The following CACNA1D variants were observed in gnomAD, a reference collection of about 807,000 sequenced individuals.
CACNA1D encodes voltage-dependent L-type calcium channel subunit alpha-1D.
CACNA1D carries 55 observed loss-of-function variants against 257.1 expected under a neutral mutation model. The ratio of observed to expected loss-of-function variants is 0.21; its 90% CI spans 0.17 to 0.27. CACNA1D has a LOEUF of 0.27. Ranked by LOEUF, CACNA1D falls within the 10% of genes least tolerant of loss-of-function variation. CACNA1D has a pLI of 1.00. For synonymous variants in CACNA1D, 980 were observed against 1,014.9 expected (o/e 0.97, Z 0.65); for missense variants, 1,876 against 2,784.0 (o/e 0.67, Z 7.34).
chr3:53,745,769 T>C, intron 24 of CACNA1D, 38 bp downstream of exon 24: 1 of 1,604,602 alleles, frequency 6.2e-7, no homozygotes, highest in South Asian at 1.1e-5. Flanking sequence ...CTCAGGTGGA[T>C]TTCTTTAAGG....
At chr3:53,531,938 C>T (rs1053940087) in intron 3 of CACNA1D, among the ~76,000 whole-genome samples, 1 of 151,952 alleles carries the variant, frequency 6.6e-6, no homozygotes, top group African/African-American at 2.4e-5. Context: ...TGGCAGGTAG[C>T]TAATAACAGG....
intron 8 of CACNA1D, among the ~76,000 whole-genome samples, chr3:53,694,744 A>G (rs1375087973): frequency 6.6e-6 from 1 of 152,196 alleles, no homozygotes; most frequent in Non-Finnish European, 1.5e-5. Flanking sequence ...GACATGGCAG[A>G]GACTCAGGCT....
intron 3 of CACNA1D, among the ~76,000 whole-genome samples, chr3:53,586,759 G>A (rs1352363705): frequency 3.3e-5 from 5 of 152,126 alleles, no homozygotes; most frequent in African/African-American, 1.2e-4. Flanking sequence ...GAGACGATAA[G>A]GTACTAGCCC....
intron 3 of CACNA1D, among the ~76,000 whole-genome samples, chr3:53,553,608 T>A (rs1404965589): frequency 6.6e-6 from 1 of 152,160 alleles, no homozygotes; most frequent in Non-Finnish European, 1.5e-5. Context: ...TTGTTACATT[T>A]GCAATTTGTA....
Position 53,632,347 on chromosome 3 carries a change from G to T in CACNA1D, c.484-18432G>T, listed in dbSNP as rs148620503. Among the ~76,000 whole-genome samples, 213 of 152,334 alleles carry T rather than the reference G, an allele frequency of 1.4e-3. 6 individuals are homozygous for T. In the South Asian group the frequency reaches 0.042, roughly 30 times the overall value. Reference sequence around the variant, plus strand: ...CTCTGCAGCTTCTTCAGCCTTTATAGAATTTAAGAGAGTTAGGGCCTTGCT... The same window carrying T: ...CTCTGCAGCTTCTTCAGCCTTTATATAATTTAAGAGAGTTAGGGCCTTGCT... On this transcript the variant is annotated intron_variant, in intron 3 of 47. Transcript: ENST00000350061.
chr3:53,764,420 A>G (rs1299569800), intron 30 of CACNA1D, among the ~76,000 whole-genome samples: 1 of 152,242 alleles, frequency 6.6e-6, no homozygotes, highest in East Asian at 1.9e-4. Flanking sequence ...GGAAGCGAAA[A>G]TACAATAAAC....
At chr3:53,784,561 G>A (rs911392140) in intron 39 of CACNA1D, among the ~76,000 whole-genome samples, 8 of 152,178 alleles carry the variant, frequency 5.3e-5, no homozygotes, top group African/African-American at 1.9e-4. Context: ...CCTCTACTCT[G>A]GAGGCTGAAG....
intron 8 of CACNA1D, among the ~76,000 whole-genome samples, chr3:53,688,261 C>T (rs575563394): frequency 2.0e-5 from 3 of 152,296 alleles, no homozygotes; most frequent in African/African-American, 7.2e-5. Flanking sequence ...GCTGTGCCAC[C>T]CTGGCCTGTG....
chr3:53,558,401 GT>G (rs1314889155), intron 3 of CACNA1D, among the ~76,000 whole-genome samples: 1 of 152,156 alleles, frequency 6.6e-6, no homozygotes, highest in Non-Finnish European at 1.5e-5. Flanking sequence ...TTTGTGAGAA[GT>G]TTTTTGATTA....
chr3:53,604,577 TAGC>T (rs947703487), intron 3 of CACNA1D, among the ~76,000 whole-genome samples: 3 of 147,298 alleles, frequency 2.0e-5, no homozygotes, highest in Admixed American at 6.7e-5. Flanking sequence ...GACCAACATC[TAGC>T]AGCTGGCTTG....
At chr3:53,572,910 G>A (rs145591017) in intron 3 of CACNA1D, among the ~76,000 whole-genome samples, 386 of 152,182 alleles carry the variant, frequency 2.5e-3, no homozygotes, top group African/African-American at 8.7e-3. Context: ...TTGTGCTGGC[G>A]TCCACAGGCT....
chr3:53,791,001 G>C, intron 40 of CACNA1D: 1 of 702,348 alleles, frequency 1.4e-6, no homozygotes, highest in Non-Finnish European at 2.6e-6. Context: ...GGATGCTTTA[G>C]AATTTTCTGC....
chr3:53,528,380 T>C (rs2091835981), intron 3 of CACNA1D, among the ~76,000 whole-genome samples: 1 of 152,230 alleles, frequency 6.6e-6, no homozygotes, highest in Non-Finnish European at 1.5e-5. Flanking sequence ...TTCTGTTCCA[T>C]TGACACATTT....
chr3:53,627,689 G>A (rs1190051951), intron 3 of CACNA1D, among the ~76,000 whole-genome samples: 1 of 152,024 alleles, frequency 6.6e-6, no homozygotes, highest in Non-Finnish European at 1.5e-5. Flanking sequence ...CTGGGGAGAT[G>A]TCTAGTTCCA....
intron 3 of CACNA1D, among the ~76,000 whole-genome samples, chr3:53,517,030 C>T (rs1206051020): frequency 6.6e-6 from 1 of 152,162 alleles, no homozygotes; most frequent in Non-Finnish European, 1.5e-5. Flanking sequence ...TTCGTTGTGA[C>T]CCTCACTTTC....
chr3:53,739,629 C>A (rs1167627120), intron 20 of CACNA1D, among the ~76,000 whole-genome samples: 1 of 152,092 alleles, frequency 6.6e-6, no homozygotes. Flanking sequence ...TTAAAAAAAA[C>A]CCTGAGTTTA....
At chr3:53,756,071 T>C (rs1016864711) in intron 29 of CACNA1D, among the ~76,000 whole-genome samples, 4 of 152,194 alleles carry the variant, frequency 2.6e-5, no homozygotes, top group Non-Finnish European at 5.9e-5. Context: ...AGGTACACCT[T>C]CTAGCAGGAC....
rs1325054216 is a variant in CACNA1D, at chr3:53,723,365, G to GTGAGGGGCACGAGCA, written c.1667-68_1667-54dup. On this transcript the variant is annotated intron_variant, in intron 12 of 47. Transcript: ENST00000350061. This position sits in a 1 kb window ranked among gnomAD's most constrained non-coding sequence, Gnocchi z 5.6. ...TGTGGGGCCTGATAGGGAGGGAGGTGTGAGGGGCACGAGCAGTCTGAGTGT... is the reference window on the plus strand; with the variant it reads ...TGTGGGGCCTGATAGGGAGGGAGGTGTGAGGGGCACGAGCATGAGGGGCACGAGCAGTCTGAGTGT... 6.3e-6 allele frequency: 7 copies of GTGAGGGGCACGAGCA among 1,112,686 alleles called. No individual in the cohort carries two copies. The highest frequency in any genetic ancestry group is 6.1e-5 in the African/African-American group (4 of 65,234). The allele number at this position is 1,112,686 out of a possible 1,614,324, so 68.9% of individuals were successfully genotyped here.
At chr3:53,697,867 G>A (rs893969047) in intron 8 of CACNA1D, among the ~76,000 whole-genome samples, 1 of 152,022 alleles carries the variant, frequency 6.6e-6, no homozygotes, top group African/African-American at 2.4e-5. Context: ...TGTTTTTTGA[G>A]CACTTCCTTA....
Sources: gnomAD v4.1 joint callset for allele counts (sites outside exome capture counted in the v4.1 genomes callset) on GRCh38, gnomAD v4.1.1 for gene constraint, Gnocchi (gnomAD v3.1) non-coding constraint, MANE v1.5 for transcripts, NCBI Gene and HGNC (gene_info 2026-07-23, HGNC 2026-07-21) for gene names.